The following DCAF11 variants were observed in gnomAD, a reference collection of about 807,000 sequenced individuals.
DCAF11 encodes the protein DDB1- and CUL4-associated factor 11.
Under a neutral mutation model 76.1 loss-of-function variants are expected in DCAF11, and 44 were observed. The observed-to-expected ratio is 0.58, with a 90% CI of 0.45 to 0.74. The LOEUF is 0.74. Among genes scored for constraint, DCAF11 ranks in the 30% least tolerant of loss-of-function variants. The pLI is 0.00. For synonymous variants in DCAF11, 258 were observed against 255.0 expected, an observed-to-expected ratio of 1.01 and a Z score of -0.11; for missense variants, 604 against 709.4, an observed-to-expected ratio of 0.85 and a Z score of 1.69.
rs1368154440 is a variant in DCAF11 at position 24,118,051 on chromosome 14, C to G, written c.477-4C>G. The G allele has an allele frequency of 1.9e-6, 3 of 1,604,982 alleles. No homozygotes were observed. Among genetic ancestry groups the G allele is most frequent in the African/African-American group, 2.7e-5 (2 of 74,294 alleles). ...TCACCCTCACTTTCTCTCTCCTTCC[C>G]TAGCTTCTTGCCCAATGATCTGGGC... On this transcript the variant is annotated splice_polypyrimidine_tract_variant and splice_region_variant and intron_variant, in intron 5 of 14. Coordinates refer to ENST00000446197, the MANE Select transcript of DCAF11 (RefSeq NM_025230.5).
intron 11 of DCAF11, 144 bp from the exon 12 acceptor site, chr14:24,120,694 C>A: frequency 9.4e-7 from 1 of 1,067,618 alleles, no homozygotes; most frequent in Non-Finnish European, 1.3e-6. Context: ...AGGCAGAACG[C>A]TGGAAATGAG....
Position 24,115,443 on chromosome 14 carries a change from CT to C in DCAF11, c.-151del. ...TTGGCATAGGCTAAAGAAAAGGGAT[CT>C]CAGCCCCGAGGAAGGGTCACCCTCC... On this transcript the variant is annotated 5_prime_UTR_variant, in exon 2 of 15. Transcript: ENST00000446197. 1 of 1,125,460 alleles carries C rather than the reference CT, an allele frequency of 8.9e-7. No individual in the cohort carries two copies. The highest frequency in any genetic ancestry group is 2.6e-5 in the Admixed American group (1 of 37,928). 69.7% of individuals were successfully genotyped at this position (1,125,460 alleles called of 1,614,324 possible).
intron 11 of DCAF11, 95 bp downstream of exon 11, chr14:24,119,991 C>G: frequency 7.1e-7 from 1 of 1,403,260 alleles, no homozygotes; most frequent in Non-Finnish European, 9.4e-7. Context: ...TTGACAAGCT[C>G]CTTATTAACC....
intron 2 of DCAF11, among the ~76,000 whole-genome samples, chr14:24,116,396 A>C (rs867684747): frequency 3.9e-5 from 6 of 152,244 alleles, no homozygotes; most frequent in Middle Eastern, 6.8e-3. Context: ...TGTGTTCCCC[A>C]GTCTGGAGAA....
At chr14:24,115,830 G>C in intron 2 of DCAF11, 81 bp downstream of exon 2, 1 of 1,526,522 alleles carries the variant, frequency 6.6e-7, no homozygotes, top group Non-Finnish European at 8.9e-7. Context: ...AATTACAGAG[G>C]TTAGGAAATG....
Position 24,118,787 on chromosome 14 carries a change from C to T in DCAF11, c.762C>T (p.His254=). 6.2e-7 allele frequency: 1 copy of T among 1,614,154 alleles called. No individual in the cohort carries two copies. Among genetic ancestry groups the T allele is most frequent in the Non-Finnish European group, 8.5e-7 (1 of 1,180,032 alleles). The change falls in exon 8 of 15, where the codon CAC becomes CAT. Residue 254 remains histidine, a synonymous_variant. Transcript: ENST00000446197. The stretch of plus-strand genomic sequence containing the variant: ...ATATCTATGGTGAGGGAGATACACA[C>T]ACTGCCCTGGATCTCAGGTACTGGC... ...ICNIYGEGDT[H]TALDLRPDER...
chr14:24,115,802 C>T (rs2037540744), intron 2 of DCAF11, 53 bp downstream of exon 2: 4 of 1,573,794 alleles, frequency 2.5e-6, no homozygotes, highest in Non-Finnish European at 3.5e-6. Context: ...GTGCCTTGAT[C>T]CCAACTCCAG....
In DCAF11 at chr14:24,117,189, T is replaced by G; in HGVS notation, c.284-77T>G. The G allele has an allele frequency of 6.2e-7, 1 of 1,604,154 alleles. No homozygotes were observed. Among genetic ancestry groups the G allele is most frequent in the Non-Finnish European group, 8.5e-7 (1 of 1,173,490 alleles). ...GCCCCAGTATATTCAGCCACAGGGG[T>G]GGGCTTGGGTACAGTTCTGCTAACT... is the stretch of plus-strand genomic sequence containing the variant. On this transcript the variant is annotated intron_variant, in intron 3 of 14. Transcript: ENST00000446197. The surrounding 1 kb of genome is among the most constrained non-coding windows in gnomAD (Gnocchi z 4.3).
chr14:24,121,046 G>A, intron 12 of DCAF11, 55 bp downstream of exon 12: 1 of 1,601,496 alleles, frequency 6.2e-7, no homozygotes, highest in Non-Finnish European at 8.5e-7. Context: ...GAGCCCTGGA[G>A]GACCTCCCCC....
chr14:24,123,085 T>C lies in DCAF11; in HGVS notation c.1506+8T>C. The C allele has an allele frequency of 6.2e-7, 1 of 1,614,136 alleles. No individual in the cohort carries two copies. Among genetic ancestry groups the C allele is most frequent in the Non-Finnish European group, 8.5e-7 (1 of 1,180,030 alleles). On this transcript the variant is annotated splice_region_variant and intron_variant, in intron 14 of 14. Coordinates refer to ENST00000446197, the MANE Select transcript of DCAF11 (RefSeq NM_025230.5). ...AAGATTGTCAGCAGTTCGGTGAGGTTGCAAGGGTTGAGGGTGCTGGCACAT... is the reference window on the plus strand; with the variant it reads ...AAGATTGTCAGCAGTTCGGTGAGGTCGCAAGGGTTGAGGGTGCTGGCACAT...
chr14:24,115,088 G>T lies in DCAF11; in HGVS notation c.-419G>T. 1 of 931,936 alleles carries T rather than the reference G, an allele frequency of 1.1e-6. No individual in the cohort carries two copies. Among genetic ancestry groups the T allele is most frequent in the Non-Finnish European group, 1.3e-6 (1 of 780,658 alleles). The allele number at this position is 931,936 out of a possible 1,614,324, so 57.7% of individuals were successfully genotyped here. A position where few individuals can be genotyped will look rare whatever the true frequency, so the allele number is the denominator to read the frequency against. On this transcript the variant is annotated 5_prime_UTR_variant, in exon 1 of 15. Coordinates refer to ENST00000446197, the MANE Select transcript of DCAF11 (RefSeq NM_025230.5). ...ATTTTCATTGGCTGTCACTGCTGCC[G>T]GCCTTTGTAAGGGGGCGCTCTGATT...
Position 24,119,229 on chromosome 14 carries a change from G to A in DCAF11, c.848+16G>A, listed in dbSNP as rs201507419. 13 of 1,614,072 alleles carry A rather than the reference G, an allele frequency of 8.1e-6. No homozygotes were observed. The Admixed American group carries it at 8.3e-5, about 10-fold the overall frequency. On this transcript the variant is annotated intron_variant, in intron 9 of 14. Coordinates refer to ENST00000446197, the MANE Select transcript of DCAF11 (RefSeq NM_025230.5). ...TACTAGGAGGGTAAGTGCTTGTGGG[G>A]TATGTTTCCCTCAATAACAAGATGG... is the stretch of plus-strand genomic sequence containing the variant.
intron 7 of DCAF11, 57 bp from the exon 8 acceptor site, chr14:24,118,693 A>G: frequency 6.2e-7 from 1 of 1,606,630 alleles, no homozygotes; most frequent in Non-Finnish European, 8.5e-7. Context: ...CCCTAGCTTC[A>G]CTTCCACTCT....
At position 24,117,775 on chromosome 14, in the gene DCAF11, G is replaced by A; in HGVS notation, c.476+43G>A. On this transcript the variant is annotated intron_variant, in intron 5 of 14. Coordinates refer to ENST00000446197, the MANE Select transcript of DCAF11 (RefSeq NM_025230.5). The surrounding 1 kb of genome is among the most constrained non-coding windows in gnomAD (Gnocchi z 4.3). ...TGAAGAGACTCTAAGGGCCAGATAG[G>A]TCTTATCTCCTAAACTTTGAAGGGG... 6.3e-7 allele frequency: 1 copy of A among 1,592,622 alleles called. No individual in the cohort carries two copies. Among genetic ancestry groups the A allele is most frequent in the Non-Finnish European group, 8.6e-7 (1 of 1,163,404 alleles).
chr14:24,121,164 T>C (rs1370830202), intron 12 of DCAF11, among the ~76,000 whole-genome samples, 173 bp downstream of exon 12: 2 of 152,088 alleles, frequency 1.3e-5, no homozygotes, highest in Admixed American at 6.6e-5. Flanking sequence ...AATCAACCAA[T>C]ATAAAAGTAT....
chr14:24,121,113 C>A, intron 12 of DCAF11, 122 bp downstream of exon 12: 1 of 1,411,792 alleles, frequency 7.1e-7, no homozygotes, highest in Non-Finnish European at 9.5e-7. Flanking sequence ...ATGGAATGGC[C>A]AGAGGTTCCT....
At position 24,123,414 on chromosome 14, in the gene DCAF11, T is replaced by C; in HGVS notation, c.*105T>C. On this transcript the variant is annotated 3_prime_UTR_variant, in exon 15 of 15. Transcript: ENST00000446197. Reference sequence around the variant, plus strand: ...GTTTGGAGGAATCACTGGCATTTGATGGGGAATAACATAAGCCTGGGCTCT... The same window carrying C: ...GTTTGGAGGAATCACTGGCATTTGACGGGGAATAACATAAGCCTGGGCTCT... The C allele has an allele frequency of 6.8e-7, 1 of 1,467,330 alleles. No individual in the cohort carries two copies. Among genetic ancestry groups the C allele is most frequent in the South Asian group, 1.5e-5 (1 of 67,514 alleles). The allele number at this position is 1,467,330 out of a possible 1,614,324, so 90.9% of individuals were successfully genotyped here. A position where few individuals can be genotyped will look rare whatever the true frequency, so the allele number is the denominator to read the frequency against.
chr14:24,118,396 A>G lies in DCAF11; in HGVS notation c.586A>G (p.Ile196Val), dbSNP rs781372280. The stretch of plus-strand genomic sequence containing the variant: ...GATCTTTACTTACACAGACCAGACA[A>G]TCCGACTCTATGACTGCCGATATGG... ...IFMSACQDQT[I>V]RLYDCRYGRF... The change falls in exon 7 of 15, where the codon ATC becomes GTC. Residue 196 changes from isoleucine (I) to valine (V), a missense_variant. Physicochemically the swap from Ile to Val is conservative, Grantham distance 29. Coordinates refer to ENST00000446197, the MANE Select transcript of DCAF11 (RefSeq NM_025230.5). 2.1e-5 allele frequency: 34 copies of G among 1,614,122 alleles called. No homozygotes were observed. The highest frequency in any genetic ancestry group is 1.1e-4 in the East Asian group (5 of 44,898).
chr14:24,120,429 C>T (rs1462656669), intron 11 of DCAF11, among the ~76,000 whole-genome samples: 2 of 151,892 alleles, frequency 1.3e-5, no homozygotes, highest in Admixed American at 6.6e-5. Context: ...TGGTGGCAGT[C>T]GCCTGTAGTC....
Sources: allele counts gnomAD v4.1 joint callset (sites outside exome capture counted in the v4.1 genomes callset), GRCh38; gene constraint gnomAD v4.1.1; non-coding constraint Gnocchi (gnomAD v3.1); transcripts MANE v1.5; gene names NCBI Gene and HGNC (gene_info 2026-07-23, HGNC 2026-07-21).